TNIK: variants seen among roughly 807,000 people sequenced by gnomAD.
TNIK encodes the protein TRAF2 and NCK interacting kinase.
In TNIK, 49 loss-of-function variants were observed where a neutral mutation model predicts 191.3. The ratio of observed to expected loss-of-function variants is 0.26; its 90% confidence interval spans 0.20 to 0.32. TNIK has a LOEUF of 0.32. Ranked by LOEUF, TNIK falls within the 10% of genes least tolerant of loss-of-function variation. The probability of loss-of-function intolerance (pLI) is 1.00; values close to 1 mark genes in which losing one functional copy is unlikely to be tolerated. For missense variants in TNIK, 1,155 were observed against 1,702.3 expected (o/e 0.68, Z 5.66); for synonymous variants, 594 against 600.9 (o/e 0.99, Z 0.17).
intron 28 of TNIK, among the ~76,000 whole-genome samples, chr3:171,075,207 T>C (rs911278592): frequency 2.0e-5 from 3 of 152,330 alleles, no homozygotes; most frequent in South Asian, 2.1e-4. Context: ...CTAGAAATCT[T>C]TGGACTAACA....
chr3:171,444,235 C>A (rs1247577116), intron 1 of TNIK, among the ~76,000 whole-genome samples: 3 of 152,094 alleles, frequency 2.0e-5, no homozygotes, highest in Non-Finnish European at 2.9e-5. Flanking sequence ...ACTTTTGTGG[C>A]TAGGTAAGAG....
chr3:171,196,963 G>A (rs1738762509), intron 4 of TNIK, among the ~76,000 whole-genome samples: 1 of 152,162 alleles, frequency 6.6e-6, no homozygotes, highest in Non-Finnish European at 1.5e-5. Context: ...CACCATGTTA[G>A]CCGGGATGGT....
Position 171,068,022 on chromosome 3 carries a change from C to T in TNIK, c.3699+826G>A, listed in dbSNP as rs16855745. 1.6e-3 allele frequency among the ~76,000 whole-genome samples: 240 copies of T among 152,264 alleles called. 1 individual carries two copies. The highest frequency in any genetic ancestry group is 5.6e-3 in the African/African-American group (232 of 41,558). ...TTAAAACTCTCAAAATACCAGTCAG[C>T]GGTAGCTTCAAACATTCCTGATAAA... On this transcript the variant is annotated intron_variant, in intron 30 of 32. Transcript: ENST00000436636.
intron 1 of TNIK, among the ~76,000 whole-genome samples, chr3:171,407,998 TA>T (rs1721929077): frequency 6.6e-6 from 1 of 152,090 alleles, no homozygotes; most frequent in Non-Finnish European, 1.5e-5. Flanking sequence ...ATAATGTCCA[TA>T]AATGGCTGAA....
At position 171,421,792 on chromosome 3, in the gene TNIK, C is replaced by T. The variant is rs530780442; in HGVS notation, c.57+38215G>A. Among the ~76,000 whole-genome samples, 100 of 131,144 alleles carry T rather than the reference C, an allele frequency of 7.6e-4. 1 individual carries two copies. Among genetic ancestry groups the T allele is most frequent in the Non-Finnish European group, 1.2e-3 (80 of 65,568 alleles). 86.0% of individuals were successfully genotyped at this position (131,144 alleles called of 152,430 possible). A position where few individuals can be genotyped will look rare whatever the true frequency, so the allele number is the denominator to read the frequency against. On this transcript the variant is annotated intron_variant, in intron 1 of 32. Transcript: ENST00000436636. ...TGTCACCCAGGCTGGACTACAATGG[C>T]GCAATCTCAGCTCACTGCAACCTCC...
chr3:171,259,253 A>C (rs1015271253), intron 2 of TNIK, among the ~76,000 whole-genome samples: 2 of 152,208 alleles, frequency 1.3e-5, no homozygotes, highest in Non-Finnish European at 2.9e-5. Flanking sequence ...GGACAGACCT[A>C]ATATTTAAAC....
chr3:171,176,829 C>A (rs1477342525), intron 8 of TNIK, among the ~76,000 whole-genome samples: 2 of 152,248 alleles, frequency 1.3e-5, no homozygotes, highest in African/African-American at 4.8e-5. Context: ...TCTCAAGGAA[C>A]TGAGATTCTC....
At chr3:171,213,178 C>T (rs1741049596) in intron 3 of TNIK, among the ~76,000 whole-genome samples, 1 of 152,046 alleles carries the variant, frequency 6.6e-6, no homozygotes, top group Non-Finnish European at 1.5e-5. Flanking sequence ...GTCCCTACAG[C>T]GCACCTCCAA....
chr3:171,101,360 CA>C, intron 22 of TNIK, 88 bp downstream of exon 22: 1 of 1,435,210 alleles, frequency 7.0e-7, no homozygotes, highest in Non-Finnish European at 9.3e-7. Context: ...GACCCATATA[CA>C]ATCTTACATT....
intron 2 of TNIK, among the ~76,000 whole-genome samples, chr3:171,350,874 G>A (rs374873088): frequency 1.3e-5 from 2 of 152,156 alleles, no homozygotes; most frequent in East Asian, 3.9e-4. Context: ...TGGTCCCAAG[G>A]GATACAACCC....
chr3:171,347,133 T>A, intron 2 of TNIK: 1 of 1,510,862 alleles, frequency 6.6e-7, no homozygotes. Flanking sequence ...CTGGGCTTGG[T>A]GATGAAATTC....
chr3:171,180,009 G>A (rs1449949459), intron 7 of TNIK, among the ~76,000 whole-genome samples: 2 of 152,118 alleles, frequency 1.3e-5, no homozygotes, highest in Non-Finnish European at 2.9e-5. Context: ...CAAGTAAGAA[G>A]GTGGCAGCCA....
intron 13 of TNIK, 93 bp from the exon 14 acceptor site, chr3:171,139,649 G>T: frequency 8.0e-7 from 1 of 1,251,906 alleles, no homozygotes; most frequent in Non-Finnish European, 1.2e-6. Context: ...GCTAAGTAAA[G>T]TGTAGAAGGA....
At chr3:171,113,249 C>A (rs919234170) in intron 18 of TNIK, among the ~76,000 whole-genome samples, 21 of 151,870 alleles carry the variant, frequency 1.4e-4, no homozygotes, top group African/African-American at 5.1e-4. Context: ...TATCTTCTTG[C>A]AGGAAGTCTT....
chr3:171,186,992 C>T (rs565937350), intron 7 of TNIK, among the ~76,000 whole-genome samples: 53 of 152,306 alleles, frequency 3.5e-4, no homozygotes, highest in African/African-American at 1.3e-3. Flanking sequence ...GTTGTAGGCA[C>T]CCACTTTATT....
At chr3:171,274,997 T>C (rs1380599971) in intron 2 of TNIK, among the ~76,000 whole-genome samples, 1 of 152,166 alleles carries the variant, frequency 6.6e-6, no homozygotes, top group Non-Finnish European at 1.5e-5. Context: ...TCTGAAATCA[T>C]GTATGTGAGG....
chr3:171,395,254 C>T (rs761465165), intron 1 of TNIK, among the ~76,000 whole-genome samples: 6 of 152,188 alleles, frequency 3.9e-5, no homozygotes, highest in African/African-American at 1.2e-4. Flanking sequence ...ATCTATCCCT[C>T]GCTAACTGGC....
chr3:171,140,527 G>T lies in TNIK; in HGVS notation c.1222-18C>A. On this transcript the variant is annotated intron_variant, in intron 12 of 32. Transcript: ENST00000436636. ...CTTTGTTGCTGTGGGGCAACAAGCAGACAACCATGAAGGCAACAGGCCCCG... is the reference window on the plus strand; with the variant it reads ...CTTTGTTGCTGTGGGGCAACAAGCATACAACCATGAAGGCAACAGGCCCCG... The T allele has an allele frequency of 6.2e-7, 1 of 1,612,078 alleles. No individual in the cohort carries two copies.
chr3:171,441,073 C>A (rs939064503), intron 1 of TNIK, among the ~76,000 whole-genome samples: 21 of 152,334 alleles, frequency 1.4e-4, no homozygotes, highest in African/African-American at 4.6e-4. Context: ...GAGAACCCAT[C>A]TATCTCTCCA....
Sources: allele counts gnomAD v4.1 joint callset (sites outside exome capture counted in the v4.1 genomes callset), GRCh38; gene constraint gnomAD v4.1.1; transcripts MANE v1.5; gene names NCBI Gene and HGNC (gene_info 2026-07-23, HGNC 2026-07-21).